The following GALNTL6 variants were observed in gnomAD, a reference collection of about 807,000 sequenced individuals.
The protein encoded by GALNTL6 is polypeptide N-acetylgalactosaminyltransferase-like 6.
Under a neutral mutation model 73.7 loss-of-function variants are expected in GALNTL6, and 46 were observed. That is an observed-to-expected ratio of 0.62 (90% CI 0.49 to 0.80). The LOEUF (loss-of-function observed/expected upper bound fraction) is 0.80, where lower values mean the gene tolerates loss of function less well. Among genes scored for constraint, GALNTL6 ranks in the 30% least tolerant of loss-of-function variants. The pLI is 0.00. For missense variants in GALNTL6, 604 were observed against 755.0 expected (o/e 0.80, Z 2.34); for synonymous variants, 259 against 263.7 (o/e 0.98, Z 0.17).
chr4:172,914,203 G>A (rs1451453034), intron 8 of GALNTL6, among the ~76,000 whole-genome samples: 1 of 152,166 alleles, frequency 6.6e-6, no homozygotes, highest in Admixed American at 6.5e-5. Context: ...AATGCCGAGA[G>A]ATTTTGTCAC....
At chr4:172,017,295 A>C (rs1741226996) in intron 2 of GALNTL6, among the ~76,000 whole-genome samples, 1 of 152,160 alleles carries the variant, frequency 6.6e-6, no homozygotes. Flanking sequence ...TGTTTCAGCC[A>C]TTCAGATCAG....
chr4:171,965,618 T>C (rs1046353278), intron 2 of GALNTL6, among the ~76,000 whole-genome samples: 2 of 124,318 alleles, frequency 1.6e-5, no homozygotes, highest in African/African-American at 6.1e-5. Flanking sequence ...ATCGCACCAC[T>C]GCACTCCAGC....
At chr4:172,263,206 A>G (rs1420677773) in intron 3 of GALNTL6, among the ~76,000 whole-genome samples, 2 of 151,514 alleles carry the variant, frequency 1.3e-5, no homozygotes, top group Non-Finnish European at 3.0e-5. Flanking sequence ...TATTCCCTCA[A>G]ATAAGTTTTA....
intron 2 of GALNTL6, chr4:171,815,582 C>A (rs560730517): frequency 1.3e-5 from 2 of 152,194 alleles, no homozygotes; most frequent in African/African-American, 2.4e-5. Flanking sequence ...AAACGTTTAA[C>A]AACAGAATGC....
intron 2 of GALNTL6, among the ~76,000 whole-genome samples, chr4:171,940,576 T>C (rs1056489434): frequency 2.0e-5 from 3 of 151,964 alleles, no homozygotes; most frequent in African/African-American, 4.8e-5. Context: ...GATTTCAACA[T>C]TTTGAGAGGC....
chr4:171,880,078 G>A (rs1160334441), intron 2 of GALNTL6, among the ~76,000 whole-genome samples: 1 of 152,074 alleles, frequency 6.6e-6, no homozygotes, highest in Non-Finnish European at 1.5e-5. Context: ...CTCAAATTGT[G>A]GATGCCATAC....
intron 5 of GALNTL6, among the ~76,000 whole-genome samples, chr4:172,596,804 C>T (rs1737871961): frequency 6.6e-6 from 1 of 152,124 alleles, no homozygotes; most frequent in African/African-American, 2.4e-5. Context: ...GACTTACACA[C>T]TATCAGTTTT....
chr4:172,201,894 GC>G (rs148907243), intron 2 of GALNTL6, among the ~76,000 whole-genome samples: 3,420 of 152,272 alleles, frequency 0.022, 45 homozygotes, highest in Non-Finnish European at 0.032. Context: ...CTCACTTGAT[GC>G]CAATTCAACC....
chr4:171,816,352 C>T (rs937545788), intron 2 of GALNTL6: 10 of 151,160 alleles, frequency 6.6e-5, no homozygotes, highest in African/African-American at 2.2e-4. Flanking sequence ...AATTGTTTGT[C>T]TAATAGCAGA....
intron 5 of GALNTL6, among the ~76,000 whole-genome samples, chr4:172,739,856 TG>T (rs1227960555): frequency 2.0e-5 from 3 of 151,516 alleles, no homozygotes; most frequent in South Asian, 2.1e-4. Flanking sequence ...AGCCTCTCAG[TG>T]GGGGAAAAGT....
chr4:172,178,081 G>A (rs1225146024), intron 2 of GALNTL6, among the ~76,000 whole-genome samples: 6 of 151,914 alleles, frequency 3.9e-5, no homozygotes, highest in Admixed American at 2.6e-4. Flanking sequence ...ATGGGCTTTG[G>A]AGCAAAAAGA....
At chr4:172,833,944 G>A (rs972914433) in intron 7 of GALNTL6, among the ~76,000 whole-genome samples, 30 of 152,052 alleles carry the variant, frequency 2.0e-4, no homozygotes, top group South Asian at 8.3e-4. Flanking sequence ...GTAAAACCCC[G>A]TCTCTACTAA....
chr4:172,852,465 T>C (rs1032024434), intron 7 of GALNTL6, among the ~76,000 whole-genome samples: 1 of 152,122 alleles, frequency 6.6e-6, no homozygotes, highest in Admixed American at 6.6e-5. Flanking sequence ...AGCAAGACAG[T>C]GCTAGGATAG....
At chr4:172,597,686 A>C (rs1234775229) in intron 5 of GALNTL6, among the ~76,000 whole-genome samples, 1 of 152,164 alleles carries the variant, frequency 6.6e-6, no homozygotes, top group Non-Finnish European at 1.5e-5. Context: ...CTCTACATTC[A>C]GCCAAGTTTA....
chr4:172,423,213 T>A (rs1229743197), intron 5 of GALNTL6, among the ~76,000 whole-genome samples: 2 of 152,012 alleles, frequency 1.3e-5, no homozygotes, highest in Non-Finnish European at 2.9e-5. Flanking sequence ...GATTTCACTC[T>A]TTTCTTCCCA....
At chr4:172,032,930 G>A (rs1425455016) in intron 2 of GALNTL6, among the ~76,000 whole-genome samples, 1 of 151,896 alleles carries the variant, frequency 6.6e-6, no homozygotes, top group Non-Finnish European at 1.5e-5. Context: ...TTGGAGAGAT[G>A]AAAAATTAGA....
intron 5 of GALNTL6, among the ~76,000 whole-genome samples, chr4:172,790,216 C>T (rs1340831084): frequency 6.6e-6 from 1 of 152,106 alleles, no homozygotes; most frequent in Non-Finnish European, 1.5e-5. Flanking sequence ...TATTGTGGTC[C>T]CCATATTCAC....
chr4:172,939,386 T>A (rs1748801258), intron 9 of GALNTL6, among the ~76,000 whole-genome samples: 1 of 152,236 alleles, frequency 6.6e-6, no homozygotes, highest in South Asian at 2.1e-4. Context: ...ATAAATAATG[T>A]TTCATTATTC....
At chr4:172,445,783 T>G (rs1353056384) in intron 5 of GALNTL6, among the ~76,000 whole-genome samples, 1 of 152,218 alleles carries the variant, frequency 6.6e-6, no homozygotes, top group Non-Finnish European at 1.5e-5. Context: ...GTGTTTTCTC[T>G]CTTCCTCCTT....
Sources: allele counts gnomAD v4.1 joint callset (sites outside exome capture counted in the v4.1 genomes callset), GRCh38; gene constraint gnomAD v4.1.1; transcripts MANE v1.5; gene names NCBI Gene and HGNC (gene_info 2026-07-23, HGNC 2026-07-21).